CNKSR2: variants seen among roughly 807,000 people sequenced by gnomAD.
CNKSR2 encodes CNK homolog protein 2.
CNKSR2 carries 14 observed loss-of-function variants against 84.4 expected under a neutral mutation model. The ratio of observed to expected loss-of-function variants is 0.17; its 90% CI spans 0.11 to 0.26. The LOEUF is 0.26. CNKSR2 is among the 10% of genes least tolerant of loss of function. The pLI is 1.00. For synonymous variants in CNKSR2, 275 were observed against 277.9 expected (o/e 0.99, Z 0.10); for missense variants, 485 against 771.2 (o/e 0.63, Z 4.40).
At chrX:21,540,254 T>A (rs750144884) in intron 11 of CNKSR2, among the ~76,000 whole-genome samples, 28 of 111,288 alleles carry the variant, frequency 2.5e-4, no homozygotes, top group Non-Finnish European at 4.5e-4. Context: ...TGAATAGCGA[T>A]TTCATCCAGG....
At chrX:21,560,043 G>T (rs1029167935) in intron 11 of CNKSR2, among the ~76,000 whole-genome samples, 8 of 111,250 alleles carry the variant, frequency 7.2e-5, no homozygotes, top group African/African-American at 2.6e-4. Flanking sequence ...ATAAAATTTA[G>T]CTGGGCAAGG....
At chrX:21,639,422 G>C in intron 20 of CNKSR2, among the ~76,000 whole-genome samples, 1 of 112,039 alleles carries the variant, frequency 8.9e-6, no homozygotes, top group Middle Eastern at 4.6e-3. Flanking sequence ...TAGTGGAGTT[G>C]AGTGTAGGAG....
chrX:21,590,661 C>T, intron 14 of CNKSR2, 41 bp downstream of exon 14: 1 of 1,148,864 alleles, frequency 8.7e-7, no homozygotes, highest in East Asian at 3.0e-5. Context: ...TTATTTTGCT[C>T]TTTGATAATC....
intron 17 of CNKSR2, 150 bp downstream of exon 17, chrX:21,595,545 A>T: frequency 2.9e-6 from 1 of 341,990 alleles, no homozygotes; most frequent in Non-Finnish European, 5.1e-6. Flanking sequence ...GCCATATCTA[A>T]TTTTAAAGAA....
At chrX:21,584,247 G>A (rs1470926381) in intron 13 of CNKSR2, among the ~76,000 whole-genome samples, 2 of 111,954 alleles carry the variant, frequency 1.8e-5, no homozygotes, top group African/African-American at 3.2e-5. Flanking sequence ...TTTCAATAAT[G>A]TATTATACAT....
At chrX:21,377,628 A>G (rs377729392) in intron 1 of CNKSR2, among the ~76,000 whole-genome samples, 11 of 111,923 alleles carry the variant, frequency 9.8e-5, no homozygotes, top group African/African-American at 3.6e-4. Context: ...GGTCACAATC[A>G]TAAATAGTTG....
chrX:21,456,442 A>G (rs1435129467), intron 4 of CNKSR2, among the ~76,000 whole-genome samples: 2 of 111,879 alleles, frequency 1.8e-5, no homozygotes, highest in Non-Finnish European at 3.8e-5. Flanking sequence ...TAGATTTCAT[A>G]TATAAATGAG....
At chrX:21,535,084 T>TAC (rs1417356591) in intron 11 of CNKSR2, among the ~76,000 whole-genome samples, 1 of 111,371 alleles carries the variant, frequency 9.0e-6, no homozygotes. Context: ...TCTAGTTTCA[T>TAC]TTTTCTGAAT....
chrX:21,430,620 TA>T (rs1199383473), intron 2 of CNKSR2, among the ~76,000 whole-genome samples: 1 of 112,313 alleles, frequency 8.9e-6, no homozygotes, highest in Admixed American at 9.5e-5. Context: ...AATCATTTTT[TA>T]CTTTAGAAAA....
chrX:21,570,580 A>G (rs762116346), intron 13 of CNKSR2, among the ~76,000 whole-genome samples: 1 of 111,986 alleles, frequency 8.9e-6, no homozygotes, highest in Non-Finnish European at 1.9e-5. Context: ...TGCTTTCAGT[A>G]TATCTTGGCT....
chrX:21,375,526 AG>A, intron 1 of CNKSR2, among the ~76,000 whole-genome samples: 1 of 112,235 alleles, frequency 8.9e-6, no homozygotes, highest in African/African-American at 3.2e-5. Context: ...GAGGATGCCC[AG>A]GGTGGGGGTA....
At chrX:21,434,549 A>C (rs2090678396) in intron 3 of CNKSR2, among the ~76,000 whole-genome samples, 1 of 111,789 alleles carries the variant, frequency 8.9e-6, no homozygotes, top group Non-Finnish European at 1.9e-5. Context: ...ACTGCCAAGC[A>C]TTTGATCTTT....
chrX:21,552,708 A>C, intron 11 of CNKSR2, among the ~76,000 whole-genome samples: 1 of 112,084 alleles, frequency 8.9e-6, no homozygotes, highest in Non-Finnish European at 1.9e-5. Flanking sequence ...CTTATTTATG[A>C]TGAAAGTTCA....
At chrX:21,462,055 A>G (rs1223219498) in intron 4 of CNKSR2, among the ~76,000 whole-genome samples, 1 of 110,242 alleles carries the variant, frequency 9.1e-6, no homozygotes, top group African/African-American at 3.3e-5. Context: ...TTTTTTTTCT[A>G]TTTTTTCTAT....
chrX:21,457,743 T>C (rs894372390), intron 4 of CNKSR2, among the ~76,000 whole-genome samples: 2 of 111,808 alleles, frequency 1.8e-5, no homozygotes, highest in Non-Finnish European at 3.8e-5. Context: ...CAGGGCCTTG[T>C]TCACTTGGAA....
chrX:21,592,194 T>A (rs1601999452), intron 15 of CNKSR2: 1 of 112,052 alleles, frequency 8.9e-6, no homozygotes, highest in African/African-American at 3.2e-5. Context: ...CCATAGTTTC[T>A]TCATCTGCAA....
chrX:21,568,818 T>A (rs1217616196), intron 13 of CNKSR2, among the ~76,000 whole-genome samples: 1 of 111,507 alleles, frequency 9.0e-6, no homozygotes, highest in Admixed American at 9.5e-5. Context: ...GGTAGTTATG[T>A]GGTAGAGCTA....
chrX:21,376,846 C>T (rs967499380), intron 1 of CNKSR2, among the ~76,000 whole-genome samples: 1 of 111,737 alleles, frequency 8.9e-6, no homozygotes, highest in Non-Finnish European at 1.9e-5. Flanking sequence ...CCACCTCCCA[C>T]CCTCCCAGTT....
chrX:21,585,606 A>G (rs925225874), intron 13 of CNKSR2, among the ~76,000 whole-genome samples: 3 of 110,740 alleles, frequency 2.7e-5, no homozygotes, highest in African/African-American at 9.9e-5. Context: ...GAAGAGTAGG[A>G]AAGAAGCAGA....
Sources: allele counts gnomAD v4.1 joint callset (sites outside exome capture counted in the v4.1 genomes callset), GRCh38; gene constraint gnomAD v4.1.1; transcripts MANE v1.5; gene names NCBI Gene and HGNC (gene_info 2026-07-23, HGNC 2026-07-21).